Variants in PCDHA9 observed in about 807,000 individuals in gnomAD.
PCDHA9 encodes the protein protocadherin alpha 9.
Under a neutral mutation model 62.0 loss-of-function variants are expected in PCDHA9, and 62 were observed. The observed-to-expected ratio is 1.00, with a 90% CI of 0.81 to 1.23. PCDHA9 has a LOEUF of 1.23. PCDHA9 is among the 50% of genes most tolerant of loss of function. PCDHA9 has a pLI of 0.00. For missense variants in PCDHA9, 1,205 were observed against 1,249.8 expected (o/e 0.96, Z 0.54); for synonymous variants, 557 against 567.6 (o/e 0.98, Z 0.27).
chr5:140,966,962 G>A (rs370831122), intron 1 of PCDHA9: 1 of 1,602,750 alleles, frequency 6.2e-7, no homozygotes, highest in Non-Finnish European at 8.5e-7. Context: ...TCGCGCGCTG[G>A]GGCTTGAGCT....
At chr5:140,953,025 G>A (rs1408416785) in intron 1 of PCDHA9, among the ~76,000 whole-genome samples, 9 of 152,024 alleles carry the variant, frequency 5.9e-5, no homozygotes, top group African/African-American at 1.9e-4. Flanking sequence ...ACATTAAGGG[G>A]GAAATCCACC....
intron 1 of PCDHA9, among the ~76,000 whole-genome samples, chr5:140,969,673 G>A (rs1226601717): frequency 3.3e-5 from 5 of 152,170 alleles, no homozygotes; most frequent in African/African-American, 9.7e-5. Flanking sequence ...AATGTTATGA[G>A]ACTCAAGGAG....
chr5:140,948,645 C>T (rs1468901970), intron 1 of PCDHA9, among the ~76,000 whole-genome samples: 1 of 151,562 alleles, frequency 6.6e-6, no homozygotes. Flanking sequence ...CATCTTTTAA[C>T]GTCTGTATAA....
intron 1 of PCDHA9, among the ~76,000 whole-genome samples, chr5:140,957,730 T>G (rs1044691694): frequency 6.6e-6 from 1 of 152,144 alleles, no homozygotes; most frequent in Non-Finnish European, 1.5e-5. Flanking sequence ...AGCAGAATTA[T>G]ATATACTGAC....
chr5:140,937,521 G>A (rs1244752316), intron 1 of PCDHA9, among the ~76,000 whole-genome samples: 1 of 152,106 alleles, frequency 6.6e-6, no homozygotes, highest in Non-Finnish European at 1.5e-5. Context: ...GGAGGCTGAG[G>A]CAGGAGAATT....
chr5:140,907,239 C>A (rs1447900433), intron 1 of PCDHA9, among the ~76,000 whole-genome samples: 1 of 152,200 alleles, frequency 6.6e-6, no homozygotes, highest in African/African-American at 2.4e-5. Flanking sequence ...ACCTAGTTGA[C>A]ATTGTAATTG....
chr5:140,890,760 A>C (rs939413448), intron 1 of PCDHA9, among the ~76,000 whole-genome samples: 2 of 152,188 alleles, frequency 1.3e-5, no homozygotes, highest in Non-Finnish European at 2.9e-5. Flanking sequence ...ATGCTTTAAA[A>C]ATATTTTAAA....
intron 1 of PCDHA9, among the ~76,000 whole-genome samples, chr5:140,937,729 G>A (rs1471512736): frequency 1.3e-5 from 2 of 151,886 alleles, no homozygotes; most frequent in African/African-American, 4.8e-5. Context: ...TGGCTAACAC[G>A]GTGAAACCCC....
chr5:141,004,608 T>A (rs2153981502), intron 3 of PCDHA9, among the ~76,000 whole-genome samples: 1 of 152,348 alleles, frequency 6.6e-6, no homozygotes, highest in African/African-American at 2.4e-5. Flanking sequence ...TTAGGCCTCA[T>A]GCAGAGTCCT....
At chr5:140,944,406 C>A (rs1003379783) in intron 1 of PCDHA9, among the ~76,000 whole-genome samples, 1 of 152,084 alleles carries the variant, frequency 6.6e-6, no homozygotes, top group Non-Finnish European at 1.5e-5. Context: ...AGGCTGGTCT[C>A]GAACTCCTGA....
intron 1 of PCDHA9, chr5:140,875,423 G>T: frequency 6.6e-7 from 1 of 1,524,996 alleles, no homozygotes; most frequent in Non-Finnish European, 8.8e-7. Context: ...CCTCAGGCAA[G>T]CGATCCCTTA....
intron 1 of PCDHA9, chr5:140,968,796 C>G (rs2096270881): frequency 6.2e-7 from 1 of 1,614,220 alleles, no homozygotes; most frequent in East Asian, 2.2e-5. Context: ...GTGGCCATTA[C>G]AGTAGCTGTG....
chr5:140,945,455 A>G (rs2093793181), intron 1 of PCDHA9, among the ~76,000 whole-genome samples: 1 of 152,192 alleles, frequency 6.6e-6, no homozygotes, highest in African/African-American at 2.4e-5. Flanking sequence ...AACTTCCCTA[A>G]AATTTGCATG....
In PCDHA9 at chr5:140,926,779, C is replaced by T. The variant is rs1262086128; in HGVS notation, c.2395-52170C>T. 8 of 1,398,696 alleles carry T rather than the reference C, an allele frequency of 5.7e-6. No individual in the cohort carries two copies. In the South Asian group the frequency reaches 1.2e-4, roughly 21 times the overall value. 86.6% of individuals were successfully genotyped at this position (1,398,696 alleles called of 1,614,324 possible). A position where few individuals can be genotyped will look rare whatever the true frequency, so the allele number is the denominator to read the frequency against. On this transcript the variant is annotated intron_variant, in intron 1 of 3. Transcript: ENST00000532602. ...CTGAGTATCCAGCCCGCAGCAGTGACGGCCGGCAGGAGCGTGCTCTTCCCC... is the reference window on the plus strand; with the variant it reads ...CTGAGTATCCAGCCCGCAGCAGTGATGGCCGGCAGGAGCGTGCTCTTCCCC...
At chr5:140,853,598 C>T (rs889899754) in intron 1 of PCDHA9, 2 of 986,878 alleles carry the variant, frequency 2.0e-6, no homozygotes, top group Non-Finnish European at 2.4e-6. Context: ...ACTTTGAGAG[C>T]AAAGGGGGTG....
intron 1 of PCDHA9, among the ~76,000 whole-genome samples, chr5:140,889,948 A>G (rs956594809): frequency 6.6e-6 from 1 of 152,194 alleles, no homozygotes; most frequent in Admixed American, 6.6e-5. Flanking sequence ...TGAGAAGCCA[A>G]ATGGATAGAA....
rs2150468329 is a variant in PCDHA9, at chr5:140,850,114, C to A, written c.1619C>A (p.Ala540Glu). The change falls in exon 1 of 4, where the codon GCG (alanine) becomes GAG (glutamate). Residue 540 changes from alanine (A) to glutamate (E), a missense_variant. By Grantham distance (107) the Ala-to-Glu change is moderately radical. This residue lies in a region of PCDHA9 where 887 missense variants were observed against 809.5 expected (regional missense o/e 1.10). Transcript: ENST00000532602. ...LLQFQVSARD[A>E]GVPPLGSNVT... The stretch of plus-strand genomic sequence containing the variant: ...CAGTTCCAGGTGAGCGCGCGCGACG[C>A]GGGCGTGCCGCCTCTGGGCAGCAAC... 4.4e-6 allele frequency: 7 copies of A among 1,595,992 alleles called. No homozygotes were observed. Among genetic ancestry groups the A allele is most frequent in the Non-Finnish European group, 5.1e-6 (6 of 1,167,846 alleles).
At chr5:140,968,041 C>T (rs1554230247) in intron 1 of PCDHA9, 1 of 1,614,140 alleles carries the variant, frequency 6.2e-7, no homozygotes, top group Non-Finnish European at 8.5e-7. Context: ...TGGTGAGCGG[C>T]CCACTGGACC....
intron 1 of PCDHA9, chr5:140,876,054 A>C: frequency 6.2e-7 from 1 of 1,613,940 alleles, no homozygotes; most frequent in Non-Finnish European, 8.5e-7. Context: ...TGCCTGAATT[A>C]GTTCTTCGGA....
Sources: allele counts gnomAD v4.1 joint callset (sites outside exome capture counted in the v4.1 genomes callset), GRCh38; gene constraint gnomAD v4.1.1; regional missense constraint gnomAD v4.1.1; transcripts MANE v1.5; gene names NCBI Gene and HGNC (gene_info 2026-07-23, HGNC 2026-07-21).